Variants in ARHGEF9 observed in about 807,000 individuals in gnomAD.
ARHGEF9 encodes the protein rho guanine nucleotide exchange factor 9.
ARHGEF9 carries 2 observed loss-of-function variants against 41.3 expected under a neutral mutation model. The ratio of observed to expected loss-of-function variants is 0.05; its 90% CI spans 0.02 to 0.15. The LOEUF is 0.15. ARHGEF9 is among the 10% of genes least tolerant of loss of function. The pLI is 1.00. For synonymous variants in ARHGEF9, 160 were observed against 154.4 expected (o/e 1.04, Z -0.27); for missense variants, 225 against 424.7 (o/e 0.53, Z 4.13).
At chrX:63,683,094 C>T (rs2050756913) in intron 4 of ARHGEF9, among the ~76,000 whole-genome samples, 1 of 109,478 alleles carries the variant, frequency 9.1e-6, no homozygotes, top group Non-Finnish European at 1.9e-5. Context: ...AAAAGACTCC[C>T]TCCAAAAATT....
intron 1 of ARHGEF9, chrX:63,755,925 C>G (rs2055915188): frequency 1.5e-6 from 1 of 666,209 alleles, no homozygotes; most frequent in South Asian, 7.8e-5. Context: ...GAAGGGAAGC[C>G]AGCATAGGGT....
rs2049321246 is a variant in ARHGEF9 at position 63,663,193 on chromosome X, T to C, written c.1077+2693A>G. The stretch of plus-strand genomic sequence containing the variant: ...TTCCTTGATAGAGAAGGAATTTATA[T>C]TCCCCTGTTATCAGTAAACCATCTG... On this transcript the variant is annotated intron_variant, in intron 7 of 9. Coordinates refer to ENST00000671741, the MANE Select transcript of ARHGEF9 (RefSeq NM_001353921.2). Among the ~76,000 whole-genome samples the C allele has an allele frequency of 2.7e-5, 3 of 111,654 alleles. No homozygotes were observed. The South Asian group carries it at 1.1e-3, about 42-fold the overall frequency.
intron 6 of ARHGEF9, among the ~76,000 whole-genome samples, chrX:63,667,726 G>A (rs1475265915): frequency 1.8e-5 from 2 of 110,824 alleles, no homozygotes; most frequent in African/African-American, 6.6e-5. Flanking sequence ...CCGAAAAAAA[G>A]CTTAGAAATA....
chrX:63,752,010 G>C (rs868925946), intron 1 of ARHGEF9, among the ~76,000 whole-genome samples: 34 of 111,464 alleles, frequency 3.1e-4, no homozygotes, highest in African/African-American at 1.1e-3. Context: ...TCTCCCCTTG[G>C]GGGAAAAAAA....
intron 1 of ARHGEF9, among the ~76,000 whole-genome samples, chrX:63,750,344 C>A (rs1283315408): frequency 9.0e-6 from 1 of 111,265 alleles, no homozygotes; most frequent in Non-Finnish European, 1.9e-5. Context: ...TCTTTCAGCT[C>A]CCTAGTAGCT....
In ARHGEF9 at chrX:63,635,407, A is replaced by T. The variant is rs1556296124; in HGVS notation, c.*2621T>A. ...GGCCTCACTGAGTTGAGGAAAAGGGAGCTCAGGGCCATGCGGAAATTACAA... is the reference window on the plus strand; with the variant it reads ...GGCCTCACTGAGTTGAGGAAAAGGGTGCTCAGGGCCATGCGGAAATTACAA... On this transcript the variant is annotated 3_prime_UTR_variant, in exon 10 of 10. Transcript: ENST00000671741. 1.9e-6 allele frequency: 1 copy of T among 521,267 alleles called. No homozygotes were observed. The highest frequency in any genetic ancestry group is 3.5e-6 in the Non-Finnish European group (1 of 285,671). The allele number at this position is 521,267 out of a possible 1,213,427, so 43.0% of individuals were successfully genotyped here.
intron 8 of ARHGEF9, among the ~76,000 whole-genome samples, chrX:63,652,731 CT>C (rs1485078133): frequency 7.2e-5 from 8 of 111,437 alleles, no homozygotes; most frequent in Non-Finnish European, 1.3e-4. Flanking sequence ...ATCAAAGCCC[CT>C]GATACGGTTT....
At chrX:63,780,812 G>A (rs1445018733) in intron 1 of ARHGEF9, among the ~76,000 whole-genome samples, 6 of 111,817 alleles carry the variant, frequency 5.4e-5, no homozygotes, top group Admixed American at 1.9e-4. Flanking sequence ...GCACACAGTT[G>A]TAACTACAAG....
intron 1 of ARHGEF9, among the ~76,000 whole-genome samples, chrX:63,780,359 C>T (rs1296672014): frequency 2.7e-5 from 3 of 110,953 alleles, no homozygotes; most frequent in Non-Finnish European, 5.7e-5. Flanking sequence ...AGATGGCCAC[C>T]GAGTCATATA....
At chrX:63,682,962 A>C (rs2050748798) in intron 4 of ARHGEF9, among the ~76,000 whole-genome samples, 1 of 111,436 alleles carries the variant, frequency 9.0e-6, no homozygotes, top group Non-Finnish European at 1.9e-5. Context: ...TTTTATTCAA[A>C]ATAGTACTAG....
chrX:63,667,998 G>A (rs782070363), intron 6 of ARHGEF9, among the ~76,000 whole-genome samples: 1 of 111,564 alleles, frequency 9.0e-6, no homozygotes, highest in East Asian at 2.8e-4. Flanking sequence ...CCATAAAAGA[G>A]AGCCAATGCC....
intron 2 of ARHGEF9, among the ~76,000 whole-genome samples, chrX:63,710,765 A>G (rs1255795641): frequency 9.0e-6 from 1 of 111,684 alleles, no homozygotes; most frequent in South Asian, 3.7e-4. Flanking sequence ...TCATCCTACA[A>G]TCAAGAACAA....
chrX:63,674,629 C>G (rs782111637), intron 5 of ARHGEF9, among the ~76,000 whole-genome samples: 10 of 111,555 alleles, frequency 9.0e-5, no homozygotes, highest in Non-Finnish European at 1.5e-4. Flanking sequence ...GTGTCTGTTC[C>G]CATACATCTT....
intron 1 of ARHGEF9, among the ~76,000 whole-genome samples, chrX:63,747,435 C>T (rs1163578175): frequency 1.6e-4 from 18 of 111,892 alleles, no homozygotes; most frequent in African/African-American, 5.5e-4. Context: ...TGGGACTTAT[C>T]GAGGCTCCCA....
chrX:63,641,739 G>A (rs1403008895), intron 9 of ARHGEF9: 7 of 112,147 alleles, frequency 6.2e-5, no homozygotes, highest in African/African-American at 2.3e-4. Flanking sequence ...CTGGATTGAA[G>A]GATGCAAAGT....
intron 8 of ARHGEF9, among the ~76,000 whole-genome samples, chrX:63,647,877 A>G (rs782649348): frequency 8.1e-5 from 9 of 110,990 alleles, no homozygotes; most frequent in African/African-American, 2.9e-4. Flanking sequence ...TTTTTTGGTT[A>G]GTAGGCTATT....
intron 4 of ARHGEF9, among the ~76,000 whole-genome samples, chrX:63,681,616 C>T (rs1361066327): frequency 6.4e-5 from 7 of 110,036 alleles, no homozygotes; most frequent in African/African-American, 2.0e-4. Context: ...CTAAGAGGGG[C>T]GTTGATAGCA....
At chrX:63,751,669 G>T (rs1362526641) in intron 1 of ARHGEF9, among the ~76,000 whole-genome samples, 1 of 111,840 alleles carries the variant, frequency 8.9e-6, no homozygotes, top group East Asian at 2.8e-4. Flanking sequence ...TAGCCTGAGG[G>T]GTTTTAGGTG....
chrX:63,745,686 T>A (rs782789171), intron 1 of ARHGEF9, among the ~76,000 whole-genome samples: 1 of 111,580 alleles, frequency 9.0e-6, no homozygotes, highest in African/African-American at 3.3e-5. Context: ...CAGTGTGTTG[T>A]ACTAGGCACT....
Sources: gnomAD v4.1 joint callset for allele counts (sites outside exome capture counted in the v4.1 genomes callset) on GRCh38, gnomAD v4.1.1 for gene constraint, MANE v1.5 for transcripts, NCBI Gene and HGNC (gene_info 2026-07-23, HGNC 2026-07-21) for gene names.